The following CADPS variants were observed in gnomAD, a reference collection of about 807,000 sequenced individuals.
The protein encoded by CADPS is calcium dependent secretion activator.
In CADPS, 57 loss-of-function variants were observed where a neutral mutation model predicts 167.3. The observed-to-expected ratio is 0.34, with a 90% CI of 0.28 to 0.42. CADPS has a LOEUF of 0.42. Among genes scored for constraint, CADPS ranks in the 20% least tolerant of loss-of-function variants. CADPS has a pLI of 1.00. For synonymous variants in CADPS, 676 were observed against 635.3 expected (o/e 1.06, Z -0.96); for missense variants, 1,414 against 1,738.1 (o/e 0.81, Z 3.32).
chr3:62,601,796 T>C lies in CADPS; in HGVS notation c.1326-9048A>G, dbSNP rs189313256. On this transcript the variant is annotated intron_variant, in intron 6 of 29. Coordinates refer to ENST00000383710, the MANE Select transcript of CADPS (RefSeq NM_003716.4). This position sits in a 1 kb window ranked among gnomAD's most constrained non-coding sequence, Gnocchi z 4.3. ...GATGACTTTTAAAGTCACAGCACAT[T>C]ATTTCTCCAAACCTGTTCCACAGTA... Among the ~76,000 whole-genome samples the C allele has an allele frequency of 4.6e-5, 7 of 152,298 alleles. No homozygotes were observed. The East Asian group carries it at 1.4e-3, about 29-fold the overall frequency.
At chr3:62,689,517 G>A (rs926690096) in intron 3 of CADPS, among the ~76,000 whole-genome samples, 10 of 152,016 alleles carry the variant, frequency 6.6e-5, no homozygotes, top group African/African-American at 2.4e-4. Flanking sequence ...GTGTCCTGGG[G>A]CTCCCCGAAT....
chr3:62,808,841 G>A (rs2094247948), intron 1 of CADPS, among the ~76,000 whole-genome samples: 1 of 152,062 alleles, frequency 6.6e-6, no homozygotes, highest in South Asian at 2.1e-4. Flanking sequence ...CCTGGATGGT[G>A]GAGTACAATA....
rs139020562 is a variant in CADPS at position 62,514,946 on chromosome 3, G to A, written c.2581+1113C>T. Among the ~76,000 whole-genome samples the A allele has an allele frequency of 8.2e-3, 1,244 of 152,180 alleles. 4 individuals are homozygous for A. The highest frequency in any genetic ancestry group is 0.014 in the Non-Finnish European group (945 of 67,988). On this transcript the variant is annotated intron_variant, in intron 16 of 29. Coordinates refer to ENST00000383710, the MANE Select transcript of CADPS (RefSeq NM_003716.4). The surrounding 1 kb of genome is among the most constrained non-coding windows in gnomAD (Gnocchi z 4.2). ...TCCTTTTGGTGCCCAATTCTTAAGT[G>A]TTTCTCCCTGGATGCATAACAGTGA...
chr3:62,822,994 C>A (rs1446105054), intron 1 of CADPS, among the ~76,000 whole-genome samples: 1 of 152,136 alleles, frequency 6.6e-6, no homozygotes, highest in African/African-American at 2.4e-5. Context: ...AACCCAGAAC[C>A]TTGACTGACA....
intron 1 of CADPS, among the ~76,000 whole-genome samples, chr3:62,810,543 T>G (rs914332094): frequency 1.3e-5 from 2 of 152,228 alleles, no homozygotes; most frequent in Non-Finnish European, 2.9e-5. Flanking sequence ...GATTTGTTTT[T>G]ACAAATGGTC....
At chr3:62,801,768 C>T (rs1164967310) in intron 1 of CADPS, among the ~76,000 whole-genome samples, 1 of 149,932 alleles carries the variant, frequency 6.7e-6, no homozygotes, top group Non-Finnish European at 1.5e-5. Context: ...AAAAAAGGCC[C>T]AGCTGAGTGA....
chr3:62,491,411 A>G lies in CADPS; in HGVS notation c.2954T>C (p.Val985Ala), dbSNP rs1265380864. The G allele has an allele frequency of 6.2e-7, 1 of 1,614,004 alleles. No individual in the cohort carries two copies. Among genetic ancestry groups the G allele is most frequent in the African/African-American group, 1.3e-5 (1 of 74,908 alleles). Residue 985 changes from valine (V) to alanine (A), a missense_variant, in exon 21 of 30, where the codon GTG becomes GCG. Physicochemically the swap from Val to Ala is moderately conservative, Grantham distance 64. Transcript: ENST00000383710. ...TGCAATTGAGGACTCCATCAGATCC[A>G]CATATCTAACAACAAGTGGGGCAAA... The part of the protein sequence containing the change: ...DLFAPLVVRY[V>A]DLMESSIAQS...
chr3:62,519,034 A>G (rs1462008846), intron 13 of CADPS, among the ~76,000 whole-genome samples: 1 of 152,174 alleles, frequency 6.6e-6, no homozygotes, highest in Non-Finnish European at 1.5e-5. Context: ...GTGCATACAT[A>G]TATACTCTAT....
At chr3:62,611,767 C>G (rs2061532571) in intron 6 of CADPS, among the ~76,000 whole-genome samples, 1 of 152,206 alleles carries the variant, frequency 6.6e-6, no homozygotes, top group Non-Finnish European at 1.5e-5. Context: ...CCCTCAGCTC[C>G]CTGCATGAAT....
intron 3 of CADPS, among the ~76,000 whole-genome samples, chr3:62,723,819 C>T (rs924196240): frequency 2.6e-5 from 4 of 152,252 alleles, no homozygotes; most frequent in Non-Finnish European, 5.9e-5. Flanking sequence ...GCTTCCTCTC[C>T]TGCCTCTGCG....
intron 28 of CADPS, among the ~76,000 whole-genome samples, chr3:62,406,161 C>T (rs554031579): frequency 2.0e-5 from 3 of 152,294 alleles, no homozygotes; most frequent in South Asian, 2.1e-4. Context: ...CATCTCTTCC[C>T]GAATCCGCGT....
intron 11 of CADPS, 133 bp from the exon 12 acceptor site, chr3:62,536,714 C>T: frequency 2.5e-6 from 2 of 810,622 alleles, no homozygotes; most frequent in Non-Finnish European, 4.0e-6. Context: ...CCACCAACAT[C>T]CCCAAGATAT....
chr3:62,772,489 C>A (rs1384696834), intron 1 of CADPS, among the ~76,000 whole-genome samples: 1 of 152,190 alleles, frequency 6.6e-6, no homozygotes, highest in Non-Finnish European at 1.5e-5. Flanking sequence ...TTGTCTATAG[C>A]CATGGTATCT....
chr3:62,477,137 T>C (rs2061421717), intron 23 of CADPS, among the ~76,000 whole-genome samples: 1 of 152,204 alleles, frequency 6.6e-6, no homozygotes, highest in African/African-American at 2.4e-5. Flanking sequence ...CATTGTTCTT[T>C]TGCTTCTTTG....
chr3:62,729,867 T>A (rs2077438747), intron 3 of CADPS, among the ~76,000 whole-genome samples: 2 of 151,828 alleles, frequency 1.3e-5, no homozygotes, highest in South Asian at 4.1e-4. Context: ...TCGTCTCTGC[T>A]GGGCATGTGG....
intron 6 of CADPS, among the ~76,000 whole-genome samples, chr3:62,593,301 G>A (rs956671388): frequency 6.6e-6 from 1 of 152,330 alleles, no homozygotes; most frequent in African/African-American, 2.4e-5. Flanking sequence ...GGAGAAGGAT[G>A]AGGATGTGGG....
chr3:62,747,487 C>G (rs1239227366), intron 3 of CADPS, among the ~76,000 whole-genome samples: 1 of 152,116 alleles, frequency 6.6e-6, no homozygotes. Context: ...TCTTCAGAGT[C>G]TAATAAACTA....
chr3:62,814,781 C>T (rs907212656), intron 1 of CADPS, among the ~76,000 whole-genome samples: 11 of 152,164 alleles, frequency 7.2e-5, no homozygotes, highest in Non-Finnish European at 1.2e-4. Flanking sequence ...GCCATCCTTA[C>T]GAATTACCTC....
intron 6 of CADPS, among the ~76,000 whole-genome samples, chr3:62,606,401 A>T (rs1342053639): frequency 6.6e-6 from 1 of 152,098 alleles, no homozygotes; most frequent in Non-Finnish European, 1.5e-5. Flanking sequence ...TTGTGGCTTT[A>T]TAAAAAGAGG....
Sources: allele counts gnomAD v4.1 joint callset (sites outside exome capture counted in the v4.1 genomes callset), GRCh38; gene constraint gnomAD v4.1.1; non-coding constraint Gnocchi (gnomAD v3.1); transcripts MANE v1.5; gene names NCBI Gene and HGNC (gene_info 2026-07-23, HGNC 2026-07-21).